The following PRIM2 variants were observed in gnomAD, a reference collection of about 807,000 sequenced individuals.
PRIM2 encodes the protein DNA primase large subunit.
In PRIM2, 39 loss-of-function variants were observed where a neutral mutation model predicts 67.3. The ratio of observed to expected loss-of-function variants is 0.58; its 90% CI spans 0.45 to 0.76. The LOEUF (loss-of-function observed/expected upper bound fraction) is 0.76, where lower values mean the gene tolerates loss of function less well. Among genes scored for constraint, PRIM2 ranks in the 30% least tolerant of loss-of-function variants. The pLI, the probability that PRIM2 is intolerant of heterozygous loss-of-function variation, is 0.00. For synonymous variants in PRIM2, 143 were observed against 198.7 expected (o/e 0.72, Z 2.36); for missense variants, 398 against 598.7 (o/e 0.66, Z 3.50).
rs201363905 is a variant in PRIM2, at chr6:57,452,666, C to T, written c.694-54721C>T. Among the ~76,000 whole-genome samples, 715 of 151,990 alleles carry T rather than the reference C, an allele frequency of 4.7e-3. 5 individuals carry two copies. The highest frequency in any genetic ancestry group is 0.024 in the Middle Eastern group (7 of 294). On this transcript the variant is annotated intron_variant, in intron 7 of 13. Coordinates refer to ENST00000615550, the MANE Select transcript of PRIM2 (RefSeq NM_000947.5). ...TTCTTGTAAATTTGTTTGAGTTCAT[C>T]GTAGATTCTGGATATTAGCCCTTTG...
At chr6:57,439,408 T>TG (rs1772124706) in intron 7 of PRIM2, among the ~76,000 whole-genome samples, 1 of 56,870 alleles carries the variant, frequency 1.8e-5, no homozygotes, top group Non-Finnish European at 3.3e-5. Context: ...TACTCTGTTT[T>TG]TTTTTTTTTT....
chr6:57,334,904 G>T (rs1346825938), intron 5 of PRIM2, among the ~76,000 whole-genome samples: 1 of 152,204 alleles, frequency 6.6e-6, no homozygotes, highest in African/African-American at 2.4e-5. Context: ...CTCCCAGCGT[G>T]AGCGACACAG....
chr6:57,592,986 A>G (rs1776307757), intron 10 of PRIM2, among the ~76,000 whole-genome samples: 1 of 152,330 alleles, frequency 6.6e-6, no homozygotes, highest in South Asian at 2.1e-4. Context: ...GGCTTGGGAT[A>G]GAAGACAAAG....
Position 57,409,543 on chromosome 6 carries a change from G to C in PRIM2, c.693+27375G>C, listed in dbSNP as rs569999157. Among the ~76,000 whole-genome samples, 41 of 152,252 alleles carry C rather than the reference G, an allele frequency of 2.7e-4. No homozygotes were observed. In the South Asian group the frequency reaches 8.5e-3, roughly 32 times the overall value. On this transcript the variant is annotated intron_variant, in intron 7 of 13. Coordinates refer to ENST00000615550, the MANE Select transcript of PRIM2 (RefSeq NM_000947.5). ...ATGTTTAAAGTATGTTTAACTTTATGAGAAATTGCCAAACTATTTCCAAAG... is the reference window on the plus strand; with the variant it reads ...ATGTTTAAAGTATGTTTAACTTTATCAGAAATTGCCAAACTATTTCCAAAG...
intron 7 of PRIM2, among the ~76,000 whole-genome samples, chr6:57,493,161 G>A (rs1554346122): frequency 0.33 from 49,548 of 151,912 alleles, 8,068 homozygotes; most frequent in East Asian, 0.44. Context: ...ATTTATTCTT[G>A]CTCCTATTAG....
intron 7 of PRIM2, among the ~76,000 whole-genome samples, chr6:57,475,557 T>TA: frequency 6.6e-6 from 1 of 152,224 alleles, no homozygotes; most frequent in East Asian, 1.9e-4. Flanking sequence ...TGCTGAATGA[T>TA]ATTTCATCGT....
rs1294565575 is a variant in PRIM2, at chr6:57,581,563, G to A, written c.1021-19530G>A. 7.4e-4 allele frequency among the ~76,000 whole-genome samples: 112 copies of A among 152,074 alleles called. 1 individual carries two copies. Among genetic ancestry groups the A allele is most frequent in the Non-Finnish European group, 1.3e-3 (87 of 68,018 alleles). ...GTGAAAGTTTTATCATTAATATATC[G>A]TTAATAGTAGGCATACGTGTCTGAA... On this transcript the variant is annotated intron_variant, in intron 10 of 13. Transcript: ENST00000615550.
At chr6:57,236,407 CT>C in the PRIM2 span, among the ~76,000 whole-genome samples, 17,184 of 151,480 alleles carry the variant, frequency 0.11, 1,306 homozygotes, top group African/African-American at 0.21. Flanking sequence ...CCAGAATGAT[CT>C]TTTTTTTTCT....
intron 7 of PRIM2, among the ~76,000 whole-genome samples, chr6:57,421,006 G>A (rs1205978900): frequency 6.6e-6 from 1 of 151,940 alleles, no homozygotes; most frequent in East Asian, 1.9e-4. Context: ...AGAAAGGAGA[G>A]GCTTTTCACA....
At chr6:57,516,391 A>G (rs1338345188) in intron 8 of PRIM2, among the ~76,000 whole-genome samples, 1 of 152,180 alleles carries the variant, frequency 6.6e-6, no homozygotes, top group African/African-American at 2.4e-5. Context: ...TCAATTTTAC[A>G]TGTAAGTCAC....
At chr6:57,447,677 T>A (rs1464669987) in intron 7 of PRIM2, among the ~76,000 whole-genome samples, 1 of 152,172 alleles carries the variant, frequency 6.6e-6, no homozygotes, top group South Asian at 2.1e-4. Flanking sequence ...CAGAGTAAAT[T>A]TGTATACTGG....
At chr6:57,394,534 C>T (rs1182502221) in intron 7 of PRIM2, among the ~76,000 whole-genome samples, 2 of 152,024 alleles carry the variant, frequency 1.3e-5, no homozygotes, top group Admixed American at 6.6e-5. Context: ...AAACTTTGCT[C>T]AATTCTTTTA....
intron 9 of PRIM2, among the ~76,000 whole-genome samples, chr6:57,534,588 C>G (rs1201794712): frequency 1.3e-5 from 2 of 152,194 alleles, no homozygotes. Flanking sequence ...AGTCTTTTCA[C>G]TACATAACAG....
At chr6:57,467,116 A>AAAAG (rs1554344463) in intron 7 of PRIM2, among the ~76,000 whole-genome samples, 2 of 149,948 alleles carry the variant, frequency 1.3e-5, no homozygotes, top group African/African-American at 4.9e-5. Flanking sequence ...AAAAAAAAAA[A>AAAAG]AAAAGAAAAG....
At chr6:57,471,021 T>C (rs1773325398) in intron 7 of PRIM2, among the ~76,000 whole-genome samples, 1 of 152,230 alleles carries the variant, frequency 6.6e-6, no homozygotes, top group South Asian at 2.1e-4. Context: ...TGGGAAATTA[T>C]AATTATAGCA....
chr6:57,307,853 A>T, the PRIM2 span, among the ~76,000 whole-genome samples: 8 of 152,182 alleles, frequency 5.3e-5, no homozygotes. Context: ...CCTAACTGGA[A>T]GCAGAAAGCA....
chr6:57,408,840 A>G lies in PRIM2; in HGVS notation c.693+26672A>G, dbSNP rs571873613. ...ACCTTCCTGCCTCAACCTCCCAAGT[A>G]GCTAGGATTATAGGTGCATACCAGT... On this transcript the variant is annotated intron_variant, in intron 7 of 13. Coordinates refer to ENST00000615550, the MANE Select transcript of PRIM2 (RefSeq NM_000947.5). Among the ~76,000 whole-genome samples, 52 of 151,912 alleles carry G rather than the reference A, an allele frequency of 3.4e-4. No individual in the cohort carries two copies. In the East Asian group the frequency reaches 8.5e-3, roughly 25 times the overall value.
chr6:57,415,701 C>T (rs1365519568), intron 7 of PRIM2, among the ~76,000 whole-genome samples: 2 of 152,220 alleles, frequency 1.3e-5, no homozygotes, highest in East Asian at 3.8e-4. Flanking sequence ...ACTTGATAAA[C>T]TAAGTTTATA....
chr6:57,539,652 G>A lies in PRIM2; in HGVS notation c.1020+2027G>A, dbSNP rs1486978859. Among the ~76,000 whole-genome samples, 128 of 68,148 alleles carry A rather than the reference G, an allele frequency of 1.9e-3. 1 individual carries two copies. In the East Asian group the frequency reaches 0.039, roughly 21 times the overall value. The allele number at this position is 68,148 out of a possible 152,430, so 44.7% of individuals were successfully genotyped here. On this transcript the variant is annotated intron_variant, in intron 10 of 13. Transcript: ENST00000615550. Reference sequence around the variant, plus strand: ...TGTGTGTGTGTGTGTGTGTGTGTGTGTGTGTATATATATATATATATGCAT... The same window carrying A: ...TGTGTGTGTGTGTGTGTGTGTGTGTATGTGTATATATATATATATATGCAT...
Sources: gnomAD v4.1 joint callset for allele counts (sites outside exome capture counted in the v4.1 genomes callset) on GRCh38, gnomAD v4.1.1 for gene constraint, MANE v1.5 for transcripts, NCBI Gene and HGNC (gene_info 2026-07-23, HGNC 2026-07-21) for gene names.